TRIM33: variants seen among roughly 807,000 people sequenced by gnomAD.
TRIM33 encodes the protein tripartite motif containing 33, also known as E3 ubiquitin-protein ligase TRIM33.
In TRIM33, 20 loss-of-function variants were observed where a neutral mutation model predicts 125.4. The ratio of observed to expected loss-of-function variants is 0.16; its 90% CI spans 0.11 to 0.23. The LOEUF is 0.23. Among genes scored for constraint, TRIM33 ranks in the 10% least tolerant of loss-of-function variants. The pLI, the probability that TRIM33 is intolerant of heterozygous loss-of-function variation, is 1.00. For synonymous variants in TRIM33, 564 were observed against 513.9 expected, an observed-to-expected ratio of 1.10 and a Z score of -1.32; for missense variants, 920 against 1,411.4, an observed-to-expected ratio of 0.65 and a Z score of 5.58.
chr1:114,474,114 G>A (rs912121235), intron 1 of TRIM33, among the ~76,000 whole-genome samples: 1 of 151,874 alleles, frequency 6.6e-6, no homozygotes, highest in African/African-American at 2.4e-5. Flanking sequence ...TCACCCAGGC[G>A]GGTCTCAATC....
chr1:114,476,303 G>A (rs1650976618), intron 1 of TRIM33, among the ~76,000 whole-genome samples: 1 of 150,200 alleles, frequency 6.7e-6, no homozygotes, highest in South Asian at 2.1e-4. Context: ...CAAAGTGAAA[G>A]TAAATAAAAA....
intron 4 of TRIM33, among the ~76,000 whole-genome samples, chr1:114,448,564 T>C (rs900851941): frequency 6.6e-6 from 1 of 152,098 alleles, no homozygotes; most frequent in African/African-American, 2.4e-5. Flanking sequence ...AGGAAGGAAG[T>C]CGGGTTTAAT....
chr1:114,400,403 C>T (rs1651801469), intron 17 of TRIM33, among the ~76,000 whole-genome samples: 1 of 152,088 alleles, frequency 6.6e-6, no homozygotes, highest in African/African-American at 2.4e-5. Context: ...GGGGTTTCAC[C>T]ATGTTGGCCA....
intron 4 of TRIM33, among the ~76,000 whole-genome samples, chr1:114,443,421 G>A (rs1648784422): frequency 6.6e-6 from 1 of 151,990 alleles, no homozygotes; most frequent in East Asian, 1.9e-4. Flanking sequence ...ATGAATGAAT[G>A]AGATGGTGTT....
intron 4 of TRIM33, among the ~76,000 whole-genome samples, chr1:114,449,857 T>C (rs1156238705): frequency 3.3e-5 from 5 of 152,194 alleles, no homozygotes; most frequent in African/African-American, 1.2e-4. Flanking sequence ...ATTTTTTTCC[T>C]GGAGACCTTC....
chr1:114,414,251 T>C lies in TRIM33; in HGVS notation c.2062-3935A>G, dbSNP rs751699708. ...ATGGCTCATAAAAGCCTTTAAAAAG[T>C]AGGCAAATCTGATAGGTCATGTACA... On this transcript the variant is annotated intron_variant, in intron 11 of 19. Transcript: ENST00000358465. 3.3e-5 allele frequency among the ~76,000 whole-genome samples: 5 copies of C among 152,168 alleles called. No homozygotes were observed. The East Asian group carries it at 9.6e-4, about 29-fold the overall frequency.
Position 114,511,002 on chromosome 1 carries a change from C to T in TRIM33, c.75G>A (p.Gly25=). 7.5e-7 allele frequency: 1 copy of T among 1,333,972 alleles called. No homozygotes were observed. Among genetic ancestry groups the T allele is most frequent in the Non-Finnish European group, 9.6e-7 (1 of 1,043,974 alleles). 82.6% of individuals were successfully genotyped at this position (1,333,972 alleles called of 1,614,324 possible). A position where few individuals can be genotyped will look rare whatever the true frequency, so the allele number is the denominator to read the frequency against. ...CCTCCTGCGCGGCGGGCCCGGCGGCCCCGGCAGTTACCGGCGCGCTGCCGC... is the reference window on the plus strand; with the variant it reads ...CCTCCTGCGCGGCGGGCCCGGCGGCTCCGGCAGTTACCGGCGCGCTGCCGC... The part of the protein sequence containing the change: ...GGSGSAPVTA[G]AAGPAAQEAE... Residue 25 remains glycine, a synonymous_variant, in exon 1 of 20, where the codon GGG becomes GGA. Transcript: ENST00000358465.
chr1:114,470,616 C>A, intron 1 of TRIM33, among the ~76,000 whole-genome samples: 1 of 150,118 alleles, frequency 6.7e-6, no homozygotes, highest in Non-Finnish European at 1.5e-5. Flanking sequence ...AAAGAAGAAT[C>A]GATTCAGCAT....
chr1:114,508,072 G>C (rs189388111), intron 1 of TRIM33, among the ~76,000 whole-genome samples: 18 of 152,174 alleles, frequency 1.2e-4, no homozygotes, highest in African/African-American at 3.9e-4. Flanking sequence ...AGCCGAGATC[G>C]AGCCACTGCA....
At position 114,487,873 on chromosome 1, in the gene TRIM33, C is replaced by T. The variant is rs1409340987; in HGVS notation, c.526+22678G>A. ...GATTGCGCCACTGCAGTCCGCAGTCCGGCCTGGGCGACAGAGCGAGACTCC... is the reference window on the plus strand; with the variant it reads ...GATTGCGCCACTGCAGTCCGCAGTCTGGCCTGGGCGACAGAGCGAGACTCC... On this transcript the variant is annotated intron_variant, in intron 1 of 19. Coordinates refer to ENST00000358465, the MANE Select transcript of TRIM33 (RefSeq NM_015906.4). Among the ~76,000 whole-genome samples the T allele has an allele frequency of 4.7e-5, 6 of 128,152 alleles. No individual in the cohort carries two copies. The East Asian group carries it at 1.2e-3, about 25-fold the overall frequency. 84.1% of individuals were successfully genotyped at this position (128,152 alleles called of 152,430 possible).
chr1:114,435,337 T>C (rs939409697), intron 4 of TRIM33, among the ~76,000 whole-genome samples: 22 of 152,200 alleles, frequency 1.4e-4, no homozygotes, highest in African/African-American at 5.3e-4. Context: ...GTGTCAGTTA[T>C]GGCAAGGTCC....
intron 4 of TRIM33, among the ~76,000 whole-genome samples, chr1:114,453,118 C>G (rs1322305709): frequency 1.3e-5 from 2 of 152,046 alleles, no homozygotes; most frequent in East Asian, 3.9e-4. Flanking sequence ...AATCGCAGCA[C>G]TTTGGGAAGC....
intron 1 of TRIM33, among the ~76,000 whole-genome samples, chr1:114,482,187 T>C (rs1651401473): frequency 1.3e-5 from 2 of 152,204 alleles, no homozygotes; most frequent in Admixed American, 1.3e-4. Context: ...CATTTACGCT[T>C]AATTTTGTCA....
chr1:114,438,388 T>A (rs963606408), intron 4 of TRIM33, among the ~76,000 whole-genome samples: 5 of 152,182 alleles, frequency 3.3e-5, no homozygotes, highest in African/African-American at 7.2e-5. Flanking sequence ...TTCCACTGAA[T>A]CGATCACCCA....
chr1:114,443,148 C>A lies in TRIM33; in HGVS notation c.924-9415G>T, dbSNP rs576673458. 5.3e-5 allele frequency among the ~76,000 whole-genome samples: 8 copies of A among 151,122 alleles called. No individual in the cohort carries two copies. In the South Asian group the frequency reaches 1.7e-3, roughly 32 times the overall value. ...CCTGTAATCCCAGCACTTTGGGAGGCTGAGGCAGGTAGATCACAAGGTCAG... is the reference window on the plus strand; with the variant it reads ...CCTGTAATCCCAGCACTTTGGGAGGATGAGGCAGGTAGATCACAAGGTCAG... On this transcript the variant is annotated intron_variant, in intron 4 of 19. Transcript: ENST00000358465.
chr1:114,491,058 G>C (rs778630797), intron 1 of TRIM33, among the ~76,000 whole-genome samples: 1 of 152,116 alleles, frequency 6.6e-6, no homozygotes, highest in Non-Finnish European at 1.5e-5. Context: ...GGTTTCTTTT[G>C]GGAGTAATAA....
chr1:114,508,488 A>G (rs932521228), intron 1 of TRIM33, among the ~76,000 whole-genome samples: 11 of 152,128 alleles, frequency 7.2e-5, no homozygotes, highest in Non-Finnish European at 1.3e-4. Flanking sequence ...AACACCTACT[A>G]ACAATTAGTA....
intron 4 of TRIM33, among the ~76,000 whole-genome samples, chr1:114,456,122 T>G (rs1265322145): frequency 6.6e-6 from 1 of 152,194 alleles, no homozygotes; most frequent in Non-Finnish European, 1.5e-5. Context: ...GGTTACGTCT[T>G]CATTACCTGA....
chr1:114,408,742 TA>T lies in TRIM33; in HGVS notation c.2195-3del. On this transcript the variant is annotated splice_polypyrimidine_tract_variant and splice_region_variant and intron_variant, in intron 12 of 19. Coordinates refer to ENST00000358465, the MANE Select transcript of TRIM33 (RefSeq NM_015906.4). ...CAGGTGTGTGAGAATTGGATAAACC[TA>T]AAAAGTAGTAAGTCAAAATGAATAT... is the stretch of plus-strand genomic sequence containing the variant. The T allele has an allele frequency of 6.3e-7, 1 of 1,588,812 alleles. No individual in the cohort carries two copies. The highest frequency in any genetic ancestry group is 8.6e-7 in the Non-Finnish European group (1 of 1,163,086).
Sources: allele counts gnomAD v4.1 joint callset (sites outside exome capture counted in the v4.1 genomes callset), GRCh38; gene constraint gnomAD v4.1.1; transcripts MANE v1.5; gene names NCBI Gene and HGNC (gene_info 2026-07-23, HGNC 2026-07-21).